The following ACTN1 variants were observed in gnomAD, a reference collection of about 807,000 sequenced individuals.
ACTN1 encodes alpha-actinin-1.
Under a neutral mutation model 119.6 loss-of-function variants are expected in ACTN1, and 30 were observed. The observed-to-expected ratio is 0.25, with a 90% CI of 0.19 to 0.34. The LOEUF (loss-of-function observed/expected upper bound fraction) is 0.34. Ranked by LOEUF, ACTN1 falls within the 10% of genes least tolerant of loss-of-function variation. The pLI, the probability that ACTN1 is intolerant of heterozygous loss-of-function variation, is 1.00. For synonymous variants in ACTN1, 429 were observed against 472.6 expected (o/e 0.91, Z 1.20); for missense variants, 764 against 1,223.4 (o/e 0.62, Z 5.60).
At chr14:68,919,550 T>C (rs1002200898) in intron 3 of ACTN1, among the ~76,000 whole-genome samples, 2 of 152,260 alleles carry the variant, frequency 1.3e-5, no homozygotes, top group Non-Finnish European at 2.9e-5. Context: ...TTAACATGTA[T>C]TGAGCACCTA....
intron 8 of ACTN1, among the ~76,000 whole-genome samples, chr14:68,900,613 CTTCTCTCTCGCTT>C: frequency 6.6e-6 from 1 of 152,206 alleles, no homozygotes; most frequent in East Asian, 1.9e-4. Flanking sequence ...AGACCACAAG[CTTCTCTCTCGCTT>C]GTGGTATCCG....
intron 6 of ACTN1, among the ~76,000 whole-genome samples, chr14:68,906,602 C>T (rs1594793670): frequency 6.6e-6 from 1 of 152,162 alleles, no homozygotes; most frequent in East Asian, 1.9e-4. Flanking sequence ...TCCAGGTATA[C>T]ACACACCCGC....
chr14:68,879,777 G>A lies in ACTN1; in HGVS notation c.2280+185C>T, dbSNP rs2140065797. 1 of 733,718 alleles carries A rather than the reference G, an allele frequency of 1.4e-6. No homozygotes were observed. The highest frequency in any genetic ancestry group is 2.0e-5 in the South Asian group (1 of 51,156). The allele number at this position is 733,718 out of a possible 1,614,324, so 45.5% of individuals were successfully genotyped here. A position where few individuals can be genotyped will look rare whatever the true frequency, so the allele number is the denominator to read the frequency against. Reference sequence around the variant, plus strand: ...TCCCGGAAAGCAGGGAAGCTTATGGGGCACCAACACAGGTTTTCCAAGGCT... The same window carrying A: ...TCCCGGAAAGCAGGGAAGCTTATGGAGCACCAACACAGGTTTTCCAAGGCT... On this transcript the variant is annotated intron_variant, in intron 18 of 21. Transcript: ENST00000394419. The surrounding 1 kb of genome is among the most constrained non-coding windows in gnomAD (Gnocchi z 4.9).
At chr14:68,931,459 G>T (rs914269321) in intron 1 of ACTN1, among the ~76,000 whole-genome samples, 3 of 152,208 alleles carry the variant, frequency 2.0e-5, no homozygotes, top group African/African-American at 7.2e-5. Flanking sequence ...GGAGAGATGA[G>T]ATGGCTGAGG....
chr14:68,919,890 C>T (rs1387473166), intron 3 of ACTN1, among the ~76,000 whole-genome samples: 3 of 152,220 alleles, frequency 2.0e-5, no homozygotes, highest in Non-Finnish European at 2.9e-5. Flanking sequence ...CAGCCGGACT[C>T]GACCCCATGC....
At chr14:68,964,394 C>G (rs940037240) in intron 1 of ACTN1, among the ~76,000 whole-genome samples, 2 of 152,226 alleles carry the variant, frequency 1.3e-5, no homozygotes, top group Non-Finnish European at 1.5e-5. Context: ...GGGGCCACTT[C>G]CCTGGTGCAC....
chr14:68,975,528 A>C (rs1566686000), intron 1 of ACTN1, among the ~76,000 whole-genome samples: 1 of 152,152 alleles, frequency 6.6e-6, no homozygotes. Context: ...CACCAAGCTG[A>C]TGCTCTCTCC....
chr14:68,919,364 G>A (rs544946399), intron 3 of ACTN1, among the ~76,000 whole-genome samples: 4 of 152,282 alleles, frequency 2.6e-5, no homozygotes, highest in Admixed American at 6.5e-5. Context: ...AGGGGCATCC[G>A]AGCCTGCACT....
At chr14:68,902,404 C>A in intron 8 of ACTN1, 73 bp downstream of exon 8, 1 of 1,275,734 alleles carries the variant, frequency 7.8e-7, no homozygotes, top group African/African-American at 1.5e-5. Context: ...GAGGTGGAGG[C>A]GGGCAGGAGG....
chr14:68,975,154 C>A (rs189186376), intron 1 of ACTN1, among the ~76,000 whole-genome samples: 1 of 152,346 alleles, frequency 6.6e-6, no homozygotes, highest in Admixed American at 6.5e-5. Context: ...GTCCCCTCTT[C>A]CTGTGACCTA....
Position 68,885,313 on chromosome 14 carries a change from A to G in ACTN1, c.1385+112T>C. Reference sequence around the variant, plus strand: ...TGACTCCCTCCCCACCTGGGCACCCACCTGTACCCACCCTCCCCATCTTCC... The same window carrying G: ...TGACTCCCTCCCCACCTGGGCACCCGCCTGTACCCACCCTCCCCATCTTCC... On this transcript the variant is annotated intron_variant, in intron 12 of 21. Transcript: ENST00000394419. The surrounding 1 kb of genome is among the most constrained non-coding windows in gnomAD (Gnocchi z 5.6). 1 of 1,326,914 alleles carries G rather than the reference A, an allele frequency of 7.5e-7. No individual in the cohort carries two copies. Among genetic ancestry groups the G allele is most frequent in the Non-Finnish European group, 1.0e-6 (1 of 991,528 alleles). The allele number at this position is 1,326,914 out of a possible 1,614,324, so 82.2% of individuals were successfully genotyped here.
intron 1 of ACTN1, among the ~76,000 whole-genome samples, chr14:68,960,994 C>G (rs1160781070): frequency 6.6e-6 from 1 of 152,062 alleles, no homozygotes; most frequent in African/African-American, 2.4e-5. Flanking sequence ...CCCTTGAGCC[C>G]AAAAGTTTGA....
chr14:68,885,385 A>T lies in ACTN1; in HGVS notation c.1385+40T>A. 6.4e-7 allele frequency: 1 copy of T among 1,556,848 alleles called. No homozygotes were observed. The highest frequency in any genetic ancestry group is 8.7e-7 in the Non-Finnish European group (1 of 1,146,292). Reference sequence around the variant, plus strand: ...CCAGCAGCTGAGAAAGCCCAGCCTCAGCCCCTCACCACAGGGTAGGGGTGT... The same window carrying T: ...CCAGCAGCTGAGAAAGCCCAGCCTCTGCCCCTCACCACAGGGTAGGGGTGT... On this transcript the variant is annotated intron_variant, in intron 12 of 21. Coordinates refer to ENST00000394419, the MANE Select transcript of ACTN1 (RefSeq NM_001130004.2). This position sits in a 1 kb window ranked among gnomAD's most constrained non-coding sequence, Gnocchi z 5.6.
At position 68,880,448 on chromosome 14, in the gene ACTN1, C is replaced by CGCGT. The variant is rs1491387241; in HGVS notation, c.2134-341_2134-340insACGC. Among the ~76,000 whole-genome samples the CGCGT allele has an allele frequency of 2.8e-5, 3 of 107,602 alleles. No homozygotes were observed. Among genetic ancestry groups the CGCGT allele is most frequent in the Admixed American group, 1.1e-4 (1 of 9,442 alleles). 70.6% of individuals were successfully genotyped at this position (107,602 alleles called of 152,430 possible). A position where few individuals can be genotyped will look rare whatever the true frequency, so the allele number is the denominator to read the frequency against. ...CCCCGAACCTCCAACCCCACAGCCA[C>CGCGT]GCGCGCACACACACATACACACACA... is the stretch of plus-strand genomic sequence containing the variant. On this transcript the variant is annotated intron_variant, in intron 17 of 21. Coordinates refer to ENST00000394419, the MANE Select transcript of ACTN1 (RefSeq NM_001130004.2). This position sits in a 1 kb window ranked among gnomAD's most constrained non-coding sequence, Gnocchi z 4.6.
chr14:68,938,854 T>C (rs1042973776), intron 1 of ACTN1, among the ~76,000 whole-genome samples: 7 of 152,160 alleles, frequency 4.6e-5, no homozygotes, highest in Non-Finnish European at 8.8e-5. Flanking sequence ...TTGTTTTTTT[T>C]CCCCACTGAT....
intron 8 of ACTN1, among the ~76,000 whole-genome samples, chr14:68,900,601 T>C (rs2033245001): frequency 1.3e-5 from 2 of 152,062 alleles, no homozygotes; most frequent in African/African-American, 4.8e-5. Context: ...GGGAAGAAGC[T>C]GAGACCACAA....
In ACTN1 at chr14:68,912,248, GA is replaced by G. The variant is rs1481285147; in HGVS notation, c.341-7del. ...CACATTCCCATCCACGATTTCTACA[GA>G]AACAGCAGCAGCACACATCAGAAAG... On this transcript the variant is annotated splice_polypyrimidine_tract_variant and splice_region_variant and intron_variant, in intron 3 of 21. Transcript: ENST00000394419. 2 of 1,613,488 alleles carry G rather than the reference GA, an allele frequency of 1.2e-6. No individual in the cohort carries two copies. The highest frequency in any genetic ancestry group is 2.7e-5 in the African/African-American group (2 of 74,912).
At chr14:68,892,431 G>A in intron 9 of ACTN1, 148 bp from the exon 10 acceptor site, 5 of 828,752 alleles carry the variant, frequency 6.0e-6, no homozygotes, top group Non-Finnish European at 9.2e-6. Context: ...GACATTCCCA[G>A]GCCATGAAGT....
At chr14:68,905,697 A>G (rs2033621878) in intron 6 of ACTN1, among the ~76,000 whole-genome samples, 1 of 152,218 alleles carries the variant, frequency 6.6e-6, no homozygotes, top group Non-Finnish European at 1.5e-5. Context: ...TAAGCCAGAC[A>G]CAAAAGGACA....
Sources: allele counts gnomAD v4.1 joint callset (sites outside exome capture counted in the v4.1 genomes callset), GRCh38; gene constraint gnomAD v4.1.1; non-coding constraint Gnocchi (gnomAD v3.1); transcripts MANE v1.5; gene names NCBI Gene and HGNC (gene_info 2026-07-23, HGNC 2026-07-21).